Variants in NME4 observed in about 807,000 individuals in gnomAD.
NME4 encodes the protein NME/NM23 nucleoside diphosphate kinase 4.
In NME4, 21 loss-of-function variants were observed where a neutral mutation model predicts 16.4. That is an observed-to-expected ratio of 1.28 (90% CI 0.91 to 1.84). NME4 has a LOEUF of 1.84. NME4 is among the 40% of genes most tolerant of loss of function. The pLI, the probability that NME4 is intolerant of heterozygous loss-of-function variation, is 0.00. For missense variants in NME4, 316 were observed against 261.3 expected (o/e 1.21, Z -1.44); for synonymous variants, 132 against 107.5 (o/e 1.23, Z -1.41).
intron 4 of NME4, chr16:400,001 G>A (rs1258199856): frequency 1.4e-6 from 1 of 728,662 alleles, no homozygotes; most frequent in Non-Finnish European, 2.3e-6. Context: ...GGGGGGAAAT[G>A]AGGCTCCCAA....
Position 398,036 on chromosome 16 carries a change from G to C in NME4, c.91+723G>C, listed in dbSNP as rs1396740989. On this transcript the variant is annotated intron_variant, in intron 1 of 4. Transcript: ENST00000219479. The stretch of plus-strand genomic sequence containing the variant: ...CCCGTGGGCTTCAGCCGCCTGCTGG[G>C]GTTAACTTTTCCTCCTGGCCTGGCG... 2.6e-6 allele frequency: 4 copies of C among 1,533,892 alleles called. No homozygotes were observed. In the South Asian group the frequency reaches 3.6e-5, roughly 14 times the overall value.
intron 1 of NME4, chr16:398,385 GGTGGGGAAAGTGT>G: frequency 8.0e-7 from 1 of 1,249,482 alleles, no homozygotes; most frequent in Non-Finnish European, 1.0e-6. Flanking sequence ...GGGCTCACCT[GGTGGGGAAAGTGT>G]GTTTCTCCCT....
intron 1 of NME4, chr16:397,781 T>G: frequency 1.6e-6 from 2 of 1,277,786 alleles, no homozygotes; most frequent in Non-Finnish European, 2.0e-6. Flanking sequence ...AAGGCCAAGT[T>G]AGGCCAGAAT....
intron 2 of NME4, 99 bp from the exon 3 acceptor site, chr16:399,280 G>C: frequency 1.4e-6 from 2 of 1,406,282 alleles, no homozygotes; most frequent in Non-Finnish European, 2.0e-6. Flanking sequence ...TGCCCATGCT[G>C]GTGTTATCTG....
At position 400,272 on chromosome 16, in the gene NME4, TGTG is replaced by T. The variant is rs745493291; in HGVS notation, c.497_499del (p.Trp166del). ...GAGGGGGCCCAGCGGGAGATCCAGCTGTGGTTCCAGAGCAGTGAGCTGGTGAGC... is the reference window on the plus strand; with the variant it reads ...GAGGGGGCCCAGCGGGAGATCCAGCTGTTCCAGAGCAGTGAGCTGGTGAGC... On this transcript the variant is annotated inframe_deletion, in exon 5 of 5. Transcript: ENST00000219479. The T allele has an allele frequency of 6.2e-7, 1 of 1,605,808 alleles. No homozygotes were observed. Among genetic ancestry groups the T allele is most frequent in the African/African-American group, 1.3e-5 (1 of 74,824 alleles).
intron 1 of NME4, chr16:398,704 C>T (rs1330757315): frequency 3.9e-6 from 2 of 516,576 alleles, no homozygotes; most frequent in East Asian, 3.5e-5. Context: ...GGCAGTGCCT[C>T]CCTGAACCTC....
In NME4 at chr16:400,220, A is replaced by C; in HGVS notation, c.442A>C (p.Asn148His). Residue 148 changes from asparagine (N) to histidine (H), a missense_variant and splice_region_variant, in exon 5 of 5, where the codon AAT becomes CAT. Asn to His is a moderately conservative substitution (Grantham distance 68). Transcript: ENST00000219479. The part of the protein sequence containing the change: ...RGDFSVHISR[N>H]VIHASDSVEG... The stretch of plus-strand genomic sequence containing the variant: ...CACATTGCTCCTGTCCTGGCACAGG[A>C]ATGTCATCCACGCCAGCGACTCCGT... 6.2e-7 allele frequency: 1 copy of C among 1,607,088 alleles called. No homozygotes were observed. The highest frequency in any genetic ancestry group is 8.5e-7 in the Non-Finnish European group (1 of 1,175,700).
In NME4 at chr16:400,017, G is replaced by A. The variant is rs139031581; in HGVS notation, c.441-202G>A. The A allele has an allele frequency of 8.0e-4, 629 of 787,896 alleles. 1 individual carries two copies. The highest frequency in any genetic ancestry group is 3.9e-3 in the Middle Eastern group (14 of 3,550). The allele number at this position is 787,896 out of a possible 1,614,324, so 48.8% of individuals were successfully genotyped here. A position where few individuals can be genotyped will look rare whatever the true frequency, so the allele number is the denominator to read the frequency against. On this transcript the variant is annotated intron_variant, in intron 4 of 4. Transcript: ENST00000219479. The stretch of plus-strand genomic sequence containing the variant: ...GGGGGAAATGAGGCTCCCAAAAGCT[G>A]GGGCCTGGGCGGGTCCACGAGGCTG...
In NME4 at chr16:399,041, G is replaced by C; in HGVS notation, c.143G>C (p.Gly48Ala). ...ACCCTGGTGGCGGTGAAGCCCGATG[G>C]CGTGCAACGGCGGCTCGTTGGGGAC... Reference protein sequence around the residue: ...ERTLVAVKPDGVQRRLVGDVI... With the variant: ...ERTLVAVKPDAVQRRLVGDVI... Residue 48 changes from glycine to alanine, a missense_variant, in exon 2 of 5, where the codon GGC becomes GCC. Gly to Ala is a moderately conservative substitution (Grantham distance 60). Transcript: ENST00000219479. The C allele has an allele frequency of 6.2e-7, 1 of 1,608,506 alleles. No individual in the cohort carries two copies. Among genetic ancestry groups the C allele is most frequent in the Non-Finnish European group, 8.5e-7 (1 of 1,179,726 alleles).
intron 1 of NME4, among the ~76,000 whole-genome samples, 175 bp downstream of exon 1, chr16:397,488 C>G (rs1321928912): frequency 8.7e-5 from 12 of 138,386 alleles, no homozygotes; most frequent in Non-Finnish European, 1.9e-4. Flanking sequence ...GCACGCCCCT[C>G]CAGTGCCCGT....
chr16:397,108 C>T, upstream of NME4: 1 of 52,506 alleles, frequency 1.9e-5, no homozygotes, highest in Non-Finnish European at 2.4e-5. Context: ...GGGTCCGGGG[C>T]GGCGGGGGGC....
intron 1 of NME4, chr16:397,771 AAGGCCAAGTT>A (rs2141785558): frequency 8.4e-7 from 1 of 1,189,740 alleles, no homozygotes; most frequent in Non-Finnish European, 1.0e-6. Context: ...GCGTTCGCTG[AAGGCCAAGTT>A]AGGCCAGAAT....
Position 399,713 on chromosome 16 carries a change from G to C in NME4, c.414G>C (p.Arg138Ser), listed in dbSNP as rs774350586. 1.9e-6 allele frequency: 3 copies of C among 1,612,986 alleles called. No homozygotes were observed. The highest frequency in any genetic ancestry group is 1.1e-5 in the South Asian group (1 of 91,086). ...DSAEAAPGTI[R>S]GDFSVHISRN... is the part of the protein sequence containing the mutation. ...CTGAGGCTGCCCCAGGAACCATAAG[G>C]GGTGACTTCAGCGTCCACATCAGCA... Residue 138 changes from arginine (R) to serine (S), a missense_variant, in exon 4 of 5, where the codon AGG (arginine) becomes AGC (serine). By Grantham distance (110) the Arg-to-Ser change is moderately radical. Coordinates refer to ENST00000219479, the MANE Select transcript of NME4 (RefSeq NM_005009.3).
upstream of NME4, chr16:397,080 G>GT (rs569463947): frequency 3.9e-3 from 641 of 163,130 alleles, 3 homozygotes; most frequent in African/African-American, 0.015. Context: ...CATTTCCCCC[G>GT]TGAGCGCCGG....
chr16:397,935 G>A (rs780773487), intron 1 of NME4: 6 of 1,549,716 alleles, frequency 3.9e-6, no homozygotes, highest in Admixed American at 1.9e-5. Flanking sequence ...CGCACCAGCC[G>A]CAGCAGAGCC....
intron 4 of NME4, chr16:399,985 C>A: frequency 1.4e-6 from 1 of 692,296 alleles, no homozygotes. Flanking sequence ...TGGCACGGGG[C>A]AACTTGGGGG....
chr16:398,246 C>T (rs1384397087), intron 1 of NME4: 35 of 1,415,170 alleles, frequency 2.5e-5, no homozygotes, highest in Non-Finnish European at 3.1e-5. Context: ...CGGAGCTCAG[C>T]GCTGACCCTG....
In NME4 at chr16:397,826, C is replaced by T. The variant is rs1238792779; in HGVS notation, c.91+513C>T. 9.2e-6 allele frequency: 14 copies of T among 1,519,784 alleles called. No individual in the cohort carries two copies. The East Asian group carries it at 3.0e-4, about 33-fold the overall frequency. The allele number at this position is 1,519,784 out of a possible 1,614,324, so 94.1% of individuals were successfully genotyped here. On this transcript the variant is annotated intron_variant, in intron 1 of 4. Transcript: ENST00000219479. The stretch of plus-strand genomic sequence containing the variant: ...ACGTCAGGCCCCAAGTCCCCGGCCC[C>T]GCCGCTGCCCGGCCCCCCCAGCTGC...
At chr16:397,346 G>T (rs1164555320) in intron 1 of NME4, 33 bp downstream of exon 1, 3 of 898,724 alleles carry the variant, frequency 3.3e-6, no homozygotes, top group Admixed American at 5.7e-5. Context: ...GCGGGGACGC[G>T]GAGGGGAGGA....
Sources: allele counts gnomAD v4.1 joint callset (sites outside exome capture counted in the v4.1 genomes callset), GRCh38; gene constraint gnomAD v4.1.1; transcripts MANE v1.5; gene names NCBI Gene and HGNC (gene_info 2026-07-23, HGNC 2026-07-21).